Variants in ATP10B observed in about 807,000 individuals in gnomAD.
ATP10B encodes ATPase phospholipid transporting 10B (putative).
A neutral mutation model predicts 141.2 loss-of-function variants in ATP10B; 122 were observed. The ratio of observed to expected loss-of-function variants is 0.86; its 90% CI spans 0.75 to 1.00. The LOEUF is 1.00. Among genes scored for constraint, ATP10B ranks in the 50% least tolerant of loss-of-function variants. The pLI, the probability that ATP10B is intolerant of heterozygous loss-of-function variation, is 0.00. For missense variants in ATP10B, 1,876 were observed against 1,825.3 expected, an observed-to-expected ratio of 1.03 and a Z score of -0.51; for synonymous variants, 685 against 692.0, an observed-to-expected ratio of 0.99 and a Z score of 0.16.
intron 24 of ATP10B, among the ~76,000 whole-genome samples, chr5:160,584,143 T>C (rs576111770): frequency 2.6e-5 from 4 of 152,252 alleles, no homozygotes; most frequent in African/African-American, 9.6e-5. Context: ...AGCTTTGTGA[T>C]TGAAACCCAG....
intron 1 of ATP10B, among the ~76,000 whole-genome samples, chr5:160,795,964 C>A (rs540403401): frequency 6.6e-6 from 1 of 152,160 alleles, no homozygotes. Flanking sequence ...AAAATAAACA[C>A]AGTCCTCACT....
intron 1 of ATP10B, among the ~76,000 whole-genome samples, chr5:160,830,516 T>G (rs116075769): frequency 6.6e-6 from 1 of 152,082 alleles, no homozygotes; most frequent in African/African-American, 2.4e-5. Context: ...AATGCTTTGC[T>G]TTTTCAAGTG....
chr5:160,704,289 T>A (rs746365315), intron 3 of ATP10B, among the ~76,000 whole-genome samples: 2 of 152,040 alleles, frequency 1.3e-5, no homozygotes, highest in Non-Finnish European at 2.9e-5. Context: ...ACTCCTGACC[T>A]CAAGTGATCC....
rs540034584 is a variant in ATP10B, at chr5:160,813,718, C to T, written c.-575-27915G>A. ...GGTCCCTGACCCCTGAGTAGCCTAACTTGGAAGCACCCCCCAGTAGGGGCA... is the reference window on the plus strand; with the variant it reads ...GGTCCCTGACCCCTGAGTAGCCTAATTTGGAAGCACCCCCCAGTAGGGGCA... On this transcript the variant is annotated intron_variant, in intron 1 of 25. Coordinates refer to ENST00000327245, the MANE Select transcript of ATP10B (RefSeq NM_025153.3). Among the ~76,000 whole-genome samples, 4 of 152,330 alleles carry T rather than the reference C, an allele frequency of 2.6e-5. No individual in the cohort carries two copies. In the East Asian group the frequency reaches 5.8e-4, roughly 22 times the overall value.
In ATP10B at chr5:160,622,560, T is replaced by G; in HGVS notation, c.1646A>C (p.Asn549Thr). The change falls in exon 14 of 26, where the codon AAC becomes ACC. Residue 549 changes from asparagine (N) to threonine (T), a missense_variant. By Grantham distance (65) the Asn-to-Thr change is moderately conservative. Transcript: ENST00000327245. ...AGCATCTCGAACCTTGGTCAGTAGGTTTTTATCTGGAGTTACATCTTTTTC... is the reference window on the plus strand; with the variant it reads ...AGCATCTCGAACCTTGGTCAGTAGGGTTTTATCTGGAGTTACATCTTTTTC... ...SIEKDVTPDKNLLTKVRDAAL... is the reference protein window; with the variant it reads ...SIEKDVTPDKTLLTKVRDAAL... 6.2e-7 allele frequency: 1 copy of G among 1,612,436 alleles called. No homozygotes were observed. The highest frequency in any genetic ancestry group is 8.5e-7 in the Non-Finnish European group (1 of 1,179,328).
chr5:160,591,016 T>G (rs534226859), intron 23 of ATP10B, 43 bp downstream of exon 23: 1 of 1,536,396 alleles, frequency 6.5e-7, no homozygotes, highest in Non-Finnish European at 9.0e-7. Context: ...GGACCAGTTC[T>G]TCTCTGCAAT....
chr5:160,627,106 A>C (rs973696351), intron 13 of ATP10B, among the ~76,000 whole-genome samples: 2 of 151,838 alleles, frequency 1.3e-5, no homozygotes, highest in African/African-American at 2.4e-5. Flanking sequence ...CACAACCTGC[A>C]CTCCTCATCC....
chr5:160,596,742 A>G (rs1255499383), intron 22 of ATP10B, among the ~76,000 whole-genome samples: 4 of 152,124 alleles, frequency 2.6e-5, no homozygotes, highest in Non-Finnish European at 4.4e-5. Flanking sequence ...ATTCCTATAC[A>G]CCAATAACAG....
chr5:160,883,457 G>A, the ATP10B span, among the ~76,000 whole-genome samples: 1 of 149,098 alleles, frequency 6.7e-6, no homozygotes, highest in East Asian at 2.0e-4. Context: ...AGGAGGAGAG[G>A]GATAAATAAG....
chr5:160,916,245 C>T, the ATP10B span, among the ~76,000 whole-genome samples: 1 of 152,204 alleles, frequency 6.6e-6, no homozygotes, highest in East Asian at 1.9e-4. Flanking sequence ...GATGTATGTG[C>T]TGAAAAGTAC....
chr5:160,879,276 T>C, the ATP10B span, among the ~76,000 whole-genome samples: 1 of 62,436 alleles, frequency 1.6e-5, no homozygotes, highest in Non-Finnish European at 3.2e-5. Flanking sequence ...CTCAGTAAAC[T>C]ATCGCAAGAA....
chr5:160,617,894 A>C lies in ATP10B; in HGVS notation c.2496T>G (p.Asp832Glu). ...TGGCAATGCATAGTGTGCGCAGGCC[A>C]TCTCTTGCATACAAGTCTAGATGCT... is the stretch of plus-strand genomic sequence containing the variant. ...TQKHLDLYARDGLRTLCIAKK... is the reference protein window; with the variant it reads ...TQKHLDLYAREGLRTLCIAKK... Residue 832 changes from aspartate to glutamate, a missense_variant, in exon 16 of 26, where the codon GAT (aspartate) becomes GAG (glutamate). By Grantham distance (45) the Asp-to-Glu change is conservative. Transcript: ENST00000327245. The C allele has an allele frequency of 1.2e-6, 2 of 1,614,186 alleles. No individual in the cohort carries two copies. Among genetic ancestry groups the C allele is most frequent in the Non-Finnish European group, 1.7e-6 (2 of 1,179,984 alleles).
chr5:160,841,306 A>C (rs1223381662), intron 1 of ATP10B, among the ~76,000 whole-genome samples: 1 of 152,194 alleles, frequency 6.6e-6, no homozygotes, highest in East Asian at 1.9e-4. Context: ...AAAAAAAAGC[A>C]AATTGCAAAG....
At chr5:160,797,948 G>GAAAAAAAAAAAAAA (rs34913318) in intron 1 of ATP10B, among the ~76,000 whole-genome samples, 1 of 127,602 alleles carries the variant, frequency 7.8e-6, no homozygotes, top group Non-Finnish European at 1.7e-5. Flanking sequence ...AAGAAAAAAA[G>GAAAAAAAAAAAAAA]AAAAAAAAAA....
At chr5:160,744,818 G>T (rs570385176) in intron 2 of ATP10B, among the ~76,000 whole-genome samples, 1 of 152,300 alleles carries the variant, frequency 6.6e-6, no homozygotes, top group East Asian at 1.9e-4. Context: ...TGCAAACGAC[G>T]ATTTCAAAGT....
the ATP10B span, among the ~76,000 whole-genome samples, chr5:160,927,878 G>A: frequency 6.6e-6 from 1 of 152,258 alleles, no homozygotes; most frequent in Non-Finnish European, 1.5e-5. Flanking sequence ...TAGATGCTGT[G>A]ATCTGGGAAG....
the ATP10B span, among the ~76,000 whole-genome samples, chr5:160,926,967 G>C: frequency 4.3e-4 from 66 of 152,320 alleles, no homozygotes; most frequent in African/African-American, 1.5e-3. Flanking sequence ...CTACATCACT[G>C]TCACACTAAG....
the ATP10B span, among the ~76,000 whole-genome samples, chr5:160,865,929 A>G: frequency 6.6e-6 from 1 of 152,154 alleles, no homozygotes; most frequent in Non-Finnish European, 1.5e-5. Flanking sequence ...GTTGGTGTGG[A>G]TGTGGTGAAA....
At chr5:160,616,072 C>A in intron 16 of ATP10B, 108 bp from the exon 17 acceptor site, 1 of 1,216,660 alleles carries the variant, frequency 8.2e-7, no homozygotes, top group South Asian at 1.9e-5. Flanking sequence ...AACTTCCCTA[C>A]ATAATTAGAT....
Sources: gnomAD v4.1 joint callset for allele counts (sites outside exome capture counted in the v4.1 genomes callset) on GRCh38, gnomAD v4.1.1 for gene constraint, MANE v1.5 for transcripts, NCBI Gene and HGNC (gene_info 2026-07-23, HGNC 2026-07-21) for gene names.